TMCO4: variants seen among roughly 807,000 people sequenced by gnomAD.
The protein encoded by TMCO4 is transmembrane and coiled-coil domain-containing protein 4.
TMCO4 carries 58 observed loss-of-function variants against 64.7 expected under a neutral mutation model. That is an observed-to-expected ratio of 0.90 (90% CI 0.73 to 1.12). TMCO4 has a LOEUF of 1.12. Ranked by LOEUF, TMCO4 falls within the 50% of genes most tolerant of loss-of-function variation. The pLI is 0.00. For synonymous variants in TMCO4, 325 were observed against 346.1 expected (o/e 0.94, Z 0.68); for missense variants, 780 against 825.9 (o/e 0.94, Z 0.68).
At chr1:19,740,214 C>G (rs2095473089) in intron 11 of TMCO4, among the ~76,000 whole-genome samples, 1 of 152,226 alleles carries the variant, frequency 6.6e-6, no homozygotes, top group African/African-American at 2.4e-5. Context: ...TACCCTCCCA[C>G]TTTGCTTCAT....
At chr1:19,761,464 C>A (rs142434013) in intron 6 of TMCO4, among the ~76,000 whole-genome samples, 30 of 152,360 alleles carry the variant, frequency 2.0e-4, no homozygotes, top group South Asian at 1.0e-3. Context: ...ACCAAAGGAG[C>A]TGGTATCCAG....
intron 6 of TMCO4, among the ~76,000 whole-genome samples, chr1:19,761,422 C>T (rs887104573): frequency 5.9e-5 from 9 of 152,206 alleles, no homozygotes; most frequent in Admixed American, 5.2e-4. Flanking sequence ...AGTCCAGTGC[C>T]CAGGCCCAGA....
At chr1:19,773,059 A>G (rs1049414708) in intron 4 of TMCO4, among the ~76,000 whole-genome samples, 68 of 152,268 alleles carry the variant, frequency 4.5e-4, no homozygotes, top group African/African-American at 1.6e-3. Context: ...GCGTGGTGGC[A>G]TGTACCTGTA....
chr1:19,763,932 G>T (rs2042616895), intron 6 of TMCO4, among the ~76,000 whole-genome samples: 2 of 152,174 alleles, frequency 1.3e-5, no homozygotes, highest in Admixed American at 6.5e-5. Flanking sequence ...AGGACATCTT[G>T]GGGATGATTC....
intron 4 of TMCO4, among the ~76,000 whole-genome samples, chr1:19,773,949 A>G (rs1268895856): frequency 6.6e-6 from 1 of 152,172 alleles, no homozygotes; most frequent in Non-Finnish European, 1.5e-5. Context: ...TTGTGTCCTC[A>G]CTTTACCTCT....
chr1:19,716,238 G>T (rs1376455281), intron 13 of TMCO4, among the ~76,000 whole-genome samples: 1 of 149,734 alleles, frequency 6.7e-6, no homozygotes, highest in African/African-American at 2.4e-5. Context: ...AGGCTGGAGC[G>T]CAGTGGCACA....
intron 7 of TMCO4, among the ~76,000 whole-genome samples, chr1:19,750,791 A>G (rs974688797): frequency 6.6e-6 from 1 of 151,970 alleles, no homozygotes; most frequent in African/African-American, 2.4e-5. Context: ...GTTCAACATC[A>G]CTCAACCTTC....
At chr1:19,759,251 G>A (rs1185723223) in intron 6 of TMCO4, among the ~76,000 whole-genome samples, 1 of 151,836 alleles carries the variant, frequency 6.6e-6, no homozygotes. Context: ...AACATATCCT[G>A]GGTTTGACCA....
intron 13 of TMCO4, among the ~76,000 whole-genome samples, chr1:19,704,421 G>GTCAC (rs1458877465): frequency 6.6e-6 from 1 of 152,212 alleles, no homozygotes; most frequent in African/African-American, 2.4e-5. Flanking sequence ...CTTGCCCAAG[G>GTCAC]TCACACAGCC....
chr1:19,791,294 C>T (rs2044021530), intron 2 of TMCO4, among the ~76,000 whole-genome samples: 1 of 150,828 alleles, frequency 6.6e-6, no homozygotes. Flanking sequence ...ACATCCTGTA[C>T]ATGTATCCCA....
intron 13 of TMCO4, among the ~76,000 whole-genome samples, chr1:19,706,032 C>T: frequency 6.6e-6 from 1 of 152,150 alleles, no homozygotes; most frequent in East Asian, 1.9e-4. Context: ...TCCCAAGTAG[C>T]TGGGACTACA....
intron 15 of TMCO4, among the ~76,000 whole-genome samples, chr1:19,689,813 A>G (rs2095177784): frequency 6.6e-6 from 1 of 152,248 alleles, no homozygotes; most frequent in Admixed American, 6.5e-5. Flanking sequence ...GGCACCTTGA[A>G]TAGGACAGAG....
chr1:19,705,452 AAAATAAAT>A (rs1055958162), intron 13 of TMCO4, among the ~76,000 whole-genome samples: 1 of 151,940 alleles, frequency 6.6e-6, no homozygotes, highest in Non-Finnish European at 1.5e-5. Context: ...CTCCATCTCA[AAAATAAAT>A]AAATAAATAA....
At chr1:19,710,861 A>T (rs2095327704) in intron 13 of TMCO4, among the ~76,000 whole-genome samples, 1 of 152,262 alleles carries the variant, frequency 6.6e-6, no homozygotes, top group Admixed American at 6.5e-5. Flanking sequence ...CCCGATGTAT[A>T]GACCCGGCCA....
intron 15 of TMCO4, among the ~76,000 whole-genome samples, 177 bp downstream of exon 15, chr1:19,694,257 C>T (rs1032532612): frequency 6.6e-6 from 1 of 152,164 alleles, no homozygotes; most frequent in Non-Finnish European, 1.5e-5. Flanking sequence ...CCTCCTGGGC[C>T]TCCCGAAGTG....
At chr1:19,771,245 A>C in intron 5 of TMCO4, 63 bp downstream of exon 5, 1 of 1,545,896 alleles carries the variant, frequency 6.5e-7, no homozygotes, top group Non-Finnish European at 8.8e-7. Flanking sequence ...TTTTTAGGCT[A>C]ACATTGAAAG....
chr1:19,783,952 C>G (rs1485644911), intron 3 of TMCO4, among the ~76,000 whole-genome samples: 1 of 152,194 alleles, frequency 6.6e-6, no homozygotes, highest in African/African-American at 2.4e-5. Flanking sequence ...GTGGTGGGAA[C>G]AGGGGCAACA....
intron 1 of TMCO4, among the ~76,000 whole-genome samples, chr1:19,798,637 C>G (rs189084059): frequency 6.6e-6 from 1 of 152,146 alleles, no homozygotes; most frequent in Non-Finnish European, 1.5e-5. Context: ...ATGCTGCACA[C>G]GAGGGCTTGA....
In TMCO4 at chr1:19,734,518, C is replaced by T. The variant is rs554041584; in HGVS notation, c.1264+2854G>A. On this transcript the variant is annotated intron_variant, in intron 13 of 15. Coordinates refer to ENST00000294543, the MANE Select transcript of TMCO4 (RefSeq NM_181719.7). This position sits in a 1 kb window ranked among gnomAD's most constrained non-coding sequence, Gnocchi z 4.4. Reference sequence around the variant, plus strand: ...TTTAAAGACCTCAATCTTTCCCCAGCGTTGAACCAGTTGTTTCCAACTCCT... The same window carrying T: ...TTTAAAGACCTCAATCTTTCCCCAGTGTTGAACCAGTTGTTTCCAACTCCT... Among the ~76,000 whole-genome samples the T allele has an allele frequency of 1.1e-4, 17 of 152,240 alleles. No homozygotes were observed. The highest frequency in any genetic ancestry group is 2.2e-4 in the African/African-American group (9 of 41,546).
Sources: gnomAD v4.1 joint callset for allele counts (sites outside exome capture counted in the v4.1 genomes callset) on GRCh38, gnomAD v4.1.1 for gene constraint, Gnocchi (gnomAD v3.1) non-coding constraint, MANE v1.5 for transcripts, NCBI Gene and HGNC (gene_info 2026-07-23, HGNC 2026-07-21) for gene names.